The following PCNX2 variants were observed in gnomAD, a reference collection of about 807,000 sequenced individuals.
PCNX2 encodes pecanex-like protein 2.
PCNX2 carries 168 observed loss-of-function variants against 223.8 expected under a neutral mutation model. The observed-to-expected ratio is 0.75, with a 90% CI of 0.66 to 0.85. PCNX2 has a LOEUF of 0.85. Among genes scored for constraint, PCNX2 ranks in the 40% least tolerant of loss-of-function variants. The probability of loss-of-function intolerance (pLI) is 0.00; values close to 1 mark genes in which losing one functional copy is unlikely to be tolerated. For missense variants in PCNX2, 2,507 were observed against 2,675.5 expected (o/e 0.94, Z 1.39); for synonymous variants, 1,006 against 1,052.6 (o/e 0.96, Z 0.86).
chr1:233,186,061 C>A (rs1680078349), intron 15 of PCNX2, among the ~76,000 whole-genome samples: 1 of 152,194 alleles, frequency 6.6e-6, no homozygotes, highest in Non-Finnish European at 1.5e-5. Context: ...CAGCATTTTT[C>A]TCCTTAGAAG....
intron 19 of PCNX2, among the ~76,000 whole-genome samples, chr1:233,146,795 G>A (rs950041229): frequency 1.3e-5 from 2 of 152,184 alleles, no homozygotes; most frequent in Non-Finnish European, 2.9e-5. Context: ...TTGGATGGGG[G>A]AGTAAGAACT....
In PCNX2 at chr1:233,258,695, A is replaced by C; in HGVS notation, c.1167T>G (p.Asp389Glu). The change falls in exon 5 of 34, where the codon GAT becomes GAG. Residue 389 changes from aspartate to glutamate, a missense_variant. By Grantham distance (45) the Asp-to-Glu change is conservative (BLOSUM62 2). This residue lies in a region of PCNX2 where 1,031 missense variants were observed against 1,021.7 expected (regional missense o/e 1.01). Transcript: ENST00000258229. ...TMSSTPNSMT[D>E]LESSLHLRVV... Reference sequence around the variant, plus strand: ...CCCTCAGGTGGAGGGAGCTTTCCAAATCTGTCATGGAGTTTGGGGTACTGC... The same window carrying C: ...CCCTCAGGTGGAGGGAGCTTTCCAACTCTGTCATGGAGTTTGGGGTACTGC... 1 of 1,613,876 alleles carries C rather than the reference A, an allele frequency of 6.2e-7. No homozygotes were observed. Among genetic ancestry groups the C allele is most frequent in the Non-Finnish European group, 8.5e-7 (1 of 1,179,866 alleles).
chr1:233,259,824 T>C, intron 4 of PCNX2: 1 of 893,112 alleles, frequency 1.1e-6, no homozygotes, highest in African/African-American at 1.8e-5. Flanking sequence ...TGATACTTAT[T>C]TTTTAAAATA....
intron 21 of PCNX2, among the ~76,000 whole-genome samples, chr1:233,098,849 T>C (rs938001301): frequency 1.3e-5 from 2 of 152,216 alleles, no homozygotes; most frequent in Non-Finnish European, 2.9e-5. Context: ...GATGATAATA[T>C]TACCCCCTCA....
At chr1:233,141,761 GTGTATA>G (rs1318712738) in intron 19 of PCNX2, among the ~76,000 whole-genome samples, 1 of 134,914 alleles carries the variant, frequency 7.4e-6, no homozygotes, top group Non-Finnish European at 1.5e-5. Flanking sequence ...ATATATGTGT[GTGTATA>G]TGTATATGTG....
chr1:233,217,864 C>CA, intron 12 of PCNX2, 35 bp downstream of exon 12: 1 of 1,613,202 alleles, frequency 6.2e-7, no homozygotes, highest in South Asian at 1.1e-5. Context: ...CACAGACAGA[C>CA]AAGAAAAGCT....
At chr1:233,210,276 C>T (rs1046130736) in intron 12 of PCNX2, among the ~76,000 whole-genome samples, 3 of 152,116 alleles carry the variant, frequency 2.0e-5, no homozygotes, top group African/African-American at 4.8e-5. Context: ...ATACAAGGCA[C>T]ACAAACCACT....
intron 15 of PCNX2, among the ~76,000 whole-genome samples, chr1:233,181,975 C>T (rs901356287): frequency 9.2e-5 from 14 of 152,258 alleles, no homozygotes; most frequent in South Asian, 4.1e-4. Context: ...CTCAGCCTTT[C>T]GAAGGTCTGA....
intron 1 of PCNX2, among the ~76,000 whole-genome samples, chr1:233,271,841 T>G (rs1660653414): frequency 6.6e-6 from 1 of 152,216 alleles, no homozygotes; most frequent in Admixed American, 6.5e-5. Flanking sequence ...ATGTGCCTAT[T>G]TTTATACCAG....
chr1:233,325,502 C>CCA, the PCNX2 span, among the ~76,000 whole-genome samples: 94 of 138,136 alleles, frequency 6.8e-4, no homozygotes, highest in African/African-American at 2.5e-3. Context: ...ACTAAAAATA[C>CCA]AAAAAAAAAA....
At chr1:233,145,816 A>G (rs1175644284) in intron 19 of PCNX2, among the ~76,000 whole-genome samples, 1 of 152,100 alleles carries the variant, frequency 6.6e-6, no homozygotes, top group South Asian at 2.1e-4. Flanking sequence ...CCCCTTGCTG[A>G]CTGCTCCTGG....
At chr1:233,247,783 C>T (rs1185788748) in intron 8 of PCNX2, among the ~76,000 whole-genome samples, 2 of 149,198 alleles carry the variant, frequency 1.3e-5, no homozygotes, top group African/African-American at 5.0e-5. Flanking sequence ...AAGGTTGAGG[C>T]AGGAGAATCA....
intron 33 of PCNX2, chr1:232,984,805 C>T: frequency 4.4e-6 from 1 of 226,380 alleles, no homozygotes; most frequent in East Asian, 1.1e-4. Context: ...GCACACTTAG[C>T]CCCTGTCATG....
chr1:233,141,079 AAG>A (rs1208344895), intron 19 of PCNX2, among the ~76,000 whole-genome samples: 5 of 152,224 alleles, frequency 3.3e-5, no homozygotes, highest in South Asian at 2.1e-4. Context: ...TAGAGTTAAA[AAG>A]AGAGTTATGT....
At chr1:233,192,125 C>T (rs940685547) in intron 15 of PCNX2, among the ~76,000 whole-genome samples, 27 of 152,304 alleles carry the variant, frequency 1.8e-4, no homozygotes, top group African/African-American at 6.5e-4. Flanking sequence ...AGGAGTCTTA[C>T]AATTCCCTAA....
At chr1:233,092,803 T>A (rs1231008560) in intron 22 of PCNX2, among the ~76,000 whole-genome samples, 1 of 151,740 alleles carries the variant, frequency 6.6e-6, no homozygotes, top group African/African-American at 2.4e-5. Context: ...TTGTTTTTTG[T>A]TTTTGTTTTT....
the PCNX2 span, among the ~76,000 whole-genome samples, chr1:233,306,324 A>T: frequency 1.3e-5 from 2 of 152,248 alleles, no homozygotes; most frequent in African/African-American, 4.8e-5. Context: ...AGAGACTTTA[A>T]TATCCTGACT....
chr1:233,153,574 G>A (rs910375189), intron 19 of PCNX2, among the ~76,000 whole-genome samples: 13 of 152,236 alleles, frequency 8.5e-5, no homozygotes, highest in Middle Eastern at 6.8e-3. Context: ...AGGAGAAGGA[G>A]GAAAGTGAAA....
At position 233,024,853 on chromosome 1, in the gene PCNX2, C is replaced by T. The variant is rs12063173; in HGVS notation, c.4605+293G>A. ...TTTATAGGGTATTTAAATTTGTCCT[C>T]ATCATCAGGACAAGCAAATAATGCT... On this transcript the variant is annotated intron_variant, in intron 26 of 33. Coordinates refer to ENST00000258229, the MANE Select transcript of PCNX2 (RefSeq NM_014801.4). Among the ~76,000 whole-genome samples, 859 of 152,284 alleles carry T rather than the reference C, an allele frequency of 5.6e-3. 7 individuals are homozygous for T. Among genetic ancestry groups the T allele is most frequent in the African/African-American group, 0.019 (805 of 41,562 alleles).
Sources: allele counts gnomAD v4.1 joint callset (sites outside exome capture counted in the v4.1 genomes callset), GRCh38; gene constraint gnomAD v4.1.1; regional missense constraint gnomAD v4.1.1; transcripts MANE v1.5; gene names NCBI Gene and HGNC (gene_info 2026-07-23, HGNC 2026-07-21).